The following DCDC1 variants were observed in gnomAD, a reference collection of about 807,000 sequenced individuals.
DCDC1 encodes the protein doublecortin domain-containing protein 1.
Under a neutral mutation model 178.3 loss-of-function variants are expected in DCDC1, and 200 were observed. The observed-to-expected ratio is 1.12, with a 90% CI of 1.00 to 1.26. The LOEUF (loss-of-function observed/expected upper bound fraction) is 1.26. Ranked by LOEUF, DCDC1 falls within the 50% of genes most tolerant of loss-of-function variation. The probability of loss-of-function intolerance (pLI) is 0.00; values close to 1 mark genes in which losing one functional copy is unlikely to be tolerated. For missense variants in DCDC1, 1,983 were observed against 1,749.2 expected (o/e 1.13, Z -2.38); for synonymous variants, 690 against 604.8 (o/e 1.14, Z -2.07).
At chr11:31,301,356 G>A (rs972656668) in intron 6 of DCDC1, among the ~76,000 whole-genome samples, 2 of 152,182 alleles carry the variant, frequency 1.3e-5, no homozygotes. Flanking sequence ...TGCCCTGTAG[G>A]TGAACACCAC....
At chr11:30,949,436 A>G (rs1948269769) in intron 21 of DCDC1, among the ~76,000 whole-genome samples, 1 of 152,224 alleles carries the variant, frequency 6.6e-6, no homozygotes, top group African/African-American at 2.4e-5. Flanking sequence ...CCATTGTGGA[A>G]GACAGTGTGG....
chr11:31,332,868 G>A (rs191728743), intron 2 of DCDC1, among the ~76,000 whole-genome samples: 1 of 152,292 alleles, frequency 6.6e-6, no homozygotes, highest in East Asian at 1.9e-4. Flanking sequence ...CTGATCTGGG[G>A]TGGAGAGTTC....
chr11:31,173,845 A>G (rs1013288505), intron 9 of DCDC1, among the ~76,000 whole-genome samples: 3 of 152,122 alleles, frequency 2.0e-5, no homozygotes, highest in African/African-American at 7.2e-5. Context: ...TCATCAAGTT[A>G]GAATGTGCAT....
intron 20 of DCDC1, among the ~76,000 whole-genome samples, chr11:31,020,706 G>A (rs1489002650): frequency 6.6e-6 from 1 of 151,966 alleles, no homozygotes; most frequent in Non-Finnish European, 1.5e-5. Flanking sequence ...CAACATGCTG[G>A]GTTTACAGGC....
intron 9 of DCDC1, among the ~76,000 whole-genome samples, chr11:31,211,203 CA>C (rs1972492940): frequency 6.6e-6 from 1 of 152,184 alleles, no homozygotes; most frequent in Non-Finnish European, 1.5e-5. Context: ...CTGTATTTCT[CA>C]CACTACATTA....
At chr11:31,198,720 T>C (rs987596363) in intron 9 of DCDC1, among the ~76,000 whole-genome samples, 2 of 152,042 alleles carry the variant, frequency 1.3e-5, no homozygotes, top group Non-Finnish European at 2.9e-5. Context: ...TTTCTACCAA[T>C]AGTGAACTGA....
intron 6 of DCDC1, among the ~76,000 whole-genome samples, chr11:31,297,881 T>C (rs1947814590): frequency 6.6e-6 from 1 of 152,148 alleles, no homozygotes. Flanking sequence ...CTTTGAGTTG[T>C]ACCGCTTTTC....
At chr11:31,346,830 A>G (rs1361212764) in intron 1 of DCDC1, among the ~76,000 whole-genome samples, 4 of 152,234 alleles carry the variant, frequency 2.6e-5, no homozygotes, top group African/African-American at 9.6e-5. Flanking sequence ...GAGTACATGG[A>G]GGTTTTACCG....
At chr11:31,043,986 G>A (rs1005732222) in intron 20 of DCDC1, among the ~76,000 whole-genome samples, 5 of 151,706 alleles carry the variant, frequency 3.3e-5, no homozygotes, top group African/African-American at 1.2e-4. Flanking sequence ...TTTACAAATC[G>A]CCCTCAAAGA....
intron 3 of DCDC1, among the ~76,000 whole-genome samples, chr11:31,322,704 G>C (rs954945080): frequency 2.0e-5 from 3 of 152,198 alleles, no homozygotes; most frequent in African/African-American, 7.2e-5. Context: ...AATATTCTGA[G>C]GATGGCAGAG....
intron 20 of DCDC1, among the ~76,000 whole-genome samples, chr11:30,980,035 T>C (rs1950310771): frequency 6.6e-6 from 1 of 152,182 alleles, no homozygotes; most frequent in Non-Finnish European, 1.5e-5. Flanking sequence ...AACAATCCTA[T>C]ATTTGTCACA....
chr11:31,101,675 G>A (rs1174219839), intron 15 of DCDC1, among the ~76,000 whole-genome samples: 5 of 152,122 alleles, frequency 3.3e-5, no homozygotes, highest in South Asian at 2.1e-4. Context: ...ATTGTTTTCC[G>A]TTTTGAAGTG....
chr11:31,180,954 A>G (rs189844163), intron 9 of DCDC1, among the ~76,000 whole-genome samples: 2 of 152,302 alleles, frequency 1.3e-5, no homozygotes, highest in East Asian at 3.9e-4. Flanking sequence ...CAGCAAGCTA[A>G]GATCCACTGG....
intron 27 of DCDC1, among the ~76,000 whole-genome samples, chr11:30,912,599 G>T (rs1409030258): frequency 6.6e-6 from 1 of 152,056 alleles, no homozygotes; most frequent in Non-Finnish European, 1.5e-5. Flanking sequence ...CAGTTATTCT[G>T]TTATAAGTAA....
At chr11:30,928,322 T>A (rs945848135) in intron 22 of DCDC1, among the ~76,000 whole-genome samples, 1 of 151,980 alleles carries the variant, frequency 6.6e-6, no homozygotes, top group Non-Finnish European at 1.5e-5. Flanking sequence ...GCCATCAGAA[T>A]CATGAACCAC....
rs72156406 is a variant in DCDC1 at position 31,315,306 on chromosome 11, CTTTTTTTTTTTTT to C, written c.165-7411_165-7399del. The stretch of plus-strand genomic sequence containing the variant: ...CTTCCATAGTTCCTATTTGCATACC[CTTTTTTTTTTTTT>C]TTTTTTTTTTTTTTTTGAGACAGAG... On this transcript the variant is annotated intron_variant, in intron 3 of 38. Transcript: ENST00000684477. Among the ~76,000 whole-genome samples the C allele has an allele frequency of 1.6e-4, 10 of 62,210 alleles. No individual in the cohort carries two copies. The South Asian group carries it at 3.9e-3, about 24-fold the overall frequency. 40.8% of individuals were successfully genotyped at this position (62,210 alleles called of 152,430 possible).
At position 31,164,919 on chromosome 11, in the gene DCDC1, C is replaced by T. The variant is rs184893893; in HGVS notation, c.1222-27135G>A. On this transcript the variant is annotated intron_variant, in intron 9 of 38. Transcript: ENST00000684477. The stretch of plus-strand genomic sequence containing the variant: ...CGCCATTCGTGGTAAGTGCCCTGTA[C>T]AGCTGTGCCATTTTAAACCTTTTCT... 3.7e-3 allele frequency among the ~76,000 whole-genome samples: 563 copies of T among 152,290 alleles called. 4 individuals are homozygous for T. Among genetic ancestry groups the T allele is most frequent in the Non-Finnish European group, 6.8e-3 (465 of 68,018 alleles).
intron 9 of DCDC1, among the ~76,000 whole-genome samples, chr11:31,155,543 A>G (rs2136125396): frequency 6.6e-6 from 1 of 152,364 alleles, no homozygotes; most frequent in South Asian, 2.1e-4. Context: ...ACATCATTCA[A>G]AAAATATTTA....
At chr11:31,141,744 T>C (rs1963852740) in intron 9 of DCDC1, among the ~76,000 whole-genome samples, 1 of 152,160 alleles carries the variant, frequency 6.6e-6, no homozygotes, top group Non-Finnish European at 1.5e-5. Flanking sequence ...ATACAAAACA[T>C]GGTTATAAAG....
Sources: allele counts gnomAD v4.1 joint callset (sites outside exome capture counted in the v4.1 genomes callset), GRCh38; gene constraint gnomAD v4.1.1; transcripts MANE v1.5; gene names NCBI Gene and HGNC (gene_info 2026-07-23, HGNC 2026-07-21).